The following LCMT1 variants were observed in gnomAD, a reference collection of about 807,000 sequenced individuals.
LCMT1 encodes [Phosphatase 2A protein]-leucine-carboxy methyltransferase 1.
LCMT1 carries 32 observed loss-of-function variants against 47.7 expected under a neutral mutation model. The observed-to-expected ratio is 0.67, with a 90% CI of 0.51 to 0.90. The LOEUF is 0.90. Ranked by LOEUF, LCMT1 falls within the 40% of genes least tolerant of loss-of-function variation. LCMT1 has a pLI of 0.00. For synonymous variants in LCMT1, 152 were observed against 149.7 expected (o/e 1.02, Z -0.11); for missense variants, 375 against 415.2 (o/e 0.90, Z 0.84).
At chr16:25,146,411 G>A (rs1377707823) in intron 4 of LCMT1, 1 of 152,360 alleles carries the variant, frequency 6.6e-6, no homozygotes, top group Non-Finnish European at 1.5e-5. Context: ...GTTTTAAGGA[G>A]GTCAGGGCAG....
chr16:25,135,946 C>G (rs1960490806), intron 3 of LCMT1, among the ~76,000 whole-genome samples: 1 of 151,922 alleles, frequency 6.6e-6, no homozygotes, highest in Non-Finnish European at 1.5e-5. Context: ...AAAAAATCAG[C>G]CAGGCATGGT....
chr16:25,164,636 A>G lies in LCMT1; in HGVS notation c.608A>G (p.Tyr203Cys). Residue 203 changes from tyrosine to cysteine, a missense_variant, in exon 7 of 11, where the codon TAC (tyrosine) becomes TGC (cysteine). Physicochemically the swap from Tyr to Cys is radical, Grantham distance 194 (BLOSUM62 -2). Transcript: ENST00000399069. ...TLLIAECVLVYMTPEQSANLL... is the reference protein window; with the variant it reads ...TLLIAECVLVCMTPEQSANLL... ...CTGATAGCTGAATGTGTGCTGGTTTACATGACTCCAGAGCAGTCCGCAAAC... is the reference window on the plus strand; with the variant it reads ...CTGATAGCTGAATGTGTGCTGGTTTGCATGACTCCAGAGCAGTCCGCAAAC... The G allele has an allele frequency of 6.2e-7, 1 of 1,614,008 alleles. No homozygotes were observed. The highest frequency in any genetic ancestry group is 8.5e-7 in the Non-Finnish European group (1 of 1,179,878).
intron 3 of LCMT1, among the ~76,000 whole-genome samples, chr16:25,134,062 A>G (rs1957181576): frequency 6.6e-6 from 1 of 150,654 alleles, no homozygotes; most frequent in Admixed American, 6.6e-5. Context: ...GTCCTCACTA[A>G]TTGCATTTTT....
At chr16:25,124,294 A>G in intron 1 of LCMT1, among the ~76,000 whole-genome samples, 1 of 152,216 alleles carries the variant, frequency 6.6e-6, no homozygotes, top group Non-Finnish European at 1.5e-5. Flanking sequence ...GTACATGTAT[A>G]CAGACAAACA....
chr16:25,130,227 C>G (rs963226527), intron 2 of LCMT1, among the ~76,000 whole-genome samples: 5 of 151,434 alleles, frequency 3.3e-5, no homozygotes, highest in Admixed American at 2.6e-4. Context: ...GTAGTCCCAC[C>G]TACTTCGGAG....
At chr16:25,173,200 C>T (rs538360422) in intron 9 of LCMT1, among the ~76,000 whole-genome samples, 3 of 152,296 alleles carry the variant, frequency 2.0e-5, no homozygotes, top group South Asian at 2.1e-4. Context: ...TTCTAAGCAC[C>T]AGAGATACAG....
chr16:25,135,451 G>T (rs1056274663), intron 3 of LCMT1, among the ~76,000 whole-genome samples: 16 of 152,178 alleles, frequency 1.1e-4, no homozygotes, highest in African/African-American at 3.1e-4. Flanking sequence ...GCAGCCATAT[G>T]ACAATTATAA....
intron 1 of LCMT1, among the ~76,000 whole-genome samples, chr16:25,127,550 A>G (rs746915570): frequency 2.6e-5 from 4 of 152,160 alleles, no homozygotes; most frequent in Non-Finnish European, 5.9e-5. Context: ...TTAAAGCTGT[A>G]TTATTTACTT....
chr16:25,130,768 C>T (rs1322848592), intron 2 of LCMT1, among the ~76,000 whole-genome samples: 1 of 152,192 alleles, frequency 6.6e-6, no homozygotes, highest in Non-Finnish European at 1.5e-5. Context: ...CAGAACATAG[C>T]TAGAATATGG....
intron 5 of LCMT1, among the ~76,000 whole-genome samples, chr16:25,154,640 C>G (rs1567322688): frequency 6.6e-6 from 1 of 151,926 alleles, no homozygotes. Context: ...GTGCCCGCCA[C>G]CACGCCCGGC....
At chr16:25,156,987 G>T (rs1287561451) in intron 5 of LCMT1, among the ~76,000 whole-genome samples, 4 of 140,922 alleles carry the variant, frequency 2.8e-5, no homozygotes, top group Non-Finnish European at 6.1e-5. Flanking sequence ...GAAAATCTGT[G>T]AACCTAAAAG....
intron 5 of LCMT1, 199 bp from the exon 6 acceptor site, chr16:25,160,903 A>G: frequency 1.6e-6 from 1 of 643,098 alleles, no homozygotes; most frequent in Non-Finnish European, 2.9e-6. Context: ...CATAGGACAA[A>G]AGGCTGAAAT....
chr16:25,127,461 A>G (rs578024999), intron 1 of LCMT1, among the ~76,000 whole-genome samples: 3 of 152,250 alleles, frequency 2.0e-5, no homozygotes, highest in African/African-American at 4.8e-5. Context: ...TTGGGTGTCT[A>G]TGGATGGAAG....
At chr16:25,170,958 C>T (rs866602021) in intron 9 of LCMT1, among the ~76,000 whole-genome samples, 153 bp downstream of exon 9, 7 of 152,078 alleles carry the variant, frequency 4.6e-5, no homozygotes, top group African/African-American at 1.4e-4. Flanking sequence ...AGGCCAGGCA[C>T]GGTGGCTCAC....
intron 1 of LCMT1, among the ~76,000 whole-genome samples, chr16:25,124,852 C>T (rs548615496): frequency 6.6e-6 from 1 of 152,292 alleles, no homozygotes; most frequent in African/African-American, 2.4e-5. Context: ...AGATGCTTAT[C>T]ATTTTTGTAG....
At chr16:25,138,979 C>T (rs998602828) in intron 3 of LCMT1, among the ~76,000 whole-genome samples, 3 of 151,732 alleles carry the variant, frequency 2.0e-5, no homozygotes, top group African/African-American at 2.4e-5. Flanking sequence ...CTCGCTTTGT[C>T]GCCAGGCTGG....
chr16:25,162,588 CAAA>C (rs542231545), intron 6 of LCMT1, among the ~76,000 whole-genome samples: 2 of 78,786 alleles, frequency 2.5e-5, no homozygotes, highest in Non-Finnish European at 2.6e-5. Flanking sequence ...GACTCCATCT[CAAA>C]AAAAAAAAAA....
chr16:25,125,882 G>C, intron 1 of LCMT1: 1 of 340,232 alleles, frequency 2.9e-6, no homozygotes, highest in Non-Finnish European at 4.3e-6. Context: ...TAGTTTTGTT[G>C]CCAATTTGTT....
At chr16:25,171,785 A>C (rs1961782008) in intron 9 of LCMT1, among the ~76,000 whole-genome samples, 1 of 152,206 alleles carries the variant, frequency 6.6e-6, no homozygotes, top group African/African-American at 2.4e-5. Flanking sequence ...AGTATAAAGT[A>C]GTTGTCCATT....
Sources: allele counts gnomAD v4.1 joint callset (sites outside exome capture counted in the v4.1 genomes callset), GRCh38; gene constraint gnomAD v4.1.1; transcripts MANE v1.5; gene names NCBI Gene and HGNC (gene_info 2026-07-23, HGNC 2026-07-21).